SGSM1: variants seen among roughly 807,000 people sequenced by gnomAD.
SGSM1 encodes the protein RUN and TBC1 domain containing 2.
A neutral mutation model predicts 133.8 loss-of-function variants in SGSM1; 73 were observed. The ratio of observed to expected loss-of-function variants is 0.55; its 90% confidence interval spans 0.45 to 0.66. The LOEUF is 0.66. Among genes scored for constraint, SGSM1 ranks in the 30% least tolerant of loss-of-function variants. The pLI is 0.00. For missense variants in SGSM1, 1,213 were observed against 1,448.1 expected, an observed-to-expected ratio of 0.84 and a Z score of 2.64; for synonymous variants, 563 against 573.0, an observed-to-expected ratio of 0.98 and a Z score of 0.25.
intron 2 of SGSM1, among the ~76,000 whole-genome samples, chr22:24,812,947 A>G (rs972482432): frequency 7.2e-5 from 11 of 152,188 alleles, no homozygotes; most frequent in African/African-American, 2.7e-4. Context: ...GCAGGAGGGC[A>G]TATAGAGAAA....
At chr22:24,823,051 T>G (rs1289885527) in intron 2 of SGSM1, among the ~76,000 whole-genome samples, 1 of 152,178 alleles carries the variant, frequency 6.6e-6, no homozygotes, top group Non-Finnish European at 1.5e-5. Context: ...AAGACAGTCC[T>G]GGATTTGAAT....
chr22:24,829,067 G>A (rs534589854), intron 2 of SGSM1, among the ~76,000 whole-genome samples: 3 of 152,084 alleles, frequency 2.0e-5, no homozygotes, highest in South Asian at 2.1e-4. Flanking sequence ...ATGGTGGCGG[G>A]CGCCTGTAGT....
rs931877336 is a variant in SGSM1 at position 24,905,306 on chromosome 22, C to T, written c.2818+119C>T. 15 of 957,970 alleles carry T rather than the reference C, an allele frequency of 1.6e-5. No homozygotes were observed. The African/African-American group carries it at 2.2e-4, about 14-fold the overall frequency. 59.3% of individuals were successfully genotyped at this position (957,970 alleles called of 1,614,324 possible). ...TGGCTCCAGCCAGGTGCTCTGAAGG[C>T]CTGTCTGGTGAACACATCAAGATCC... On this transcript the variant is annotated intron_variant, in intron 21 of 24. Transcript: ENST00000400358.
Position 24,868,540 on chromosome 22 carries a change from G to T in SGSM1, c.1158+1G>T. 3 of 1,613,892 alleles carry T rather than the reference G, an allele frequency of 1.9e-6. No homozygotes were observed. The highest frequency in any genetic ancestry group is 2.5e-6 in the Non-Finnish European group (3 of 1,179,854). On this transcript the variant is annotated splice_donor_variant, in intron 11 of 24. Transcript: ENST00000400358. LOFTEE classifies it high-confidence loss of function. ...GCCACTGTGGTCCCAGAGGGGTAAG[G>T]TGAGTGATCATCGGGACCCAGGGAG...
intron 14 of SGSM1, among the ~76,000 whole-genome samples, chr22:24,883,272 A>G (rs1932432592): frequency 6.6e-6 from 1 of 152,156 alleles, no homozygotes; most frequent in African/African-American, 2.4e-5. Context: ...GGCTATCATG[A>G]ATGGTGTTGC....
chr22:24,835,707 C>T (rs536205146), intron 2 of SGSM1, among the ~76,000 whole-genome samples: 73 of 151,906 alleles, frequency 4.8e-4, no homozygotes, highest in African/African-American at 1.6e-3. Flanking sequence ...GCTCTGCCCA[C>T]GGAGCTGGGC....
At chr22:24,912,596 A>G (rs762934340) in intron 21 of SGSM1, 47 bp from the exon 22 acceptor site, 1 of 1,270,764 alleles carries the variant, frequency 7.9e-7, no homozygotes, top group South Asian at 1.3e-5. Flanking sequence ...TCTGAACCAT[A>G]TCACTTGGGC....
At chr22:24,857,063 C>G (rs1263449126) in intron 8 of SGSM1, among the ~76,000 whole-genome samples, 2 of 151,860 alleles carry the variant, frequency 1.3e-5, no homozygotes, top group Non-Finnish European at 2.9e-5. Flanking sequence ...CCACTGCACC[C>G]AGCTAAGATA....
chr22:24,859,734 G>C lies in SGSM1; in HGVS notation c.820G>C (p.Val274Leu), dbSNP rs778847157. 1.4e-5 allele frequency: 23 copies of C among 1,613,806 alleles called. No homozygotes were observed. In the African/African-American group the frequency reaches 2.4e-4, roughly 17 times the overall value. The change falls in exon 9 of 25, where the codon GTG (valine) becomes CTG (leucine). Residue 274 changes from valine to leucine, a missense_variant. Physicochemically the swap from Val to Leu is conservative, Grantham distance 32 (BLOSUM62 1). Coordinates refer to ENST00000400358, the MANE Select transcript of SGSM1 (RefSeq NM_001098497.3). ...LVQPRDDMEA[V>L]PGYLSLHQTA... Reference sequence around the variant, plus strand: ...TCTGCAGAGGGACGACATGGAGGCTGTGCCAGGGTACCTGTCCCTGCACCA... The same window carrying C: ...TCTGCAGAGGGACGACATGGAGGCTCTGCCAGGGTACCTGTCCCTGCACCA...
At chr22:24,813,026 T>C (rs918340118) in intron 2 of SGSM1, among the ~76,000 whole-genome samples, 1 of 152,116 alleles carries the variant, frequency 6.6e-6, no homozygotes, top group Non-Finnish European at 1.5e-5. Flanking sequence ...TGGGAAAGGC[T>C]TGCCAGAGGA....
At position 24,824,613 on chromosome 22, in the gene SGSM1, T is replaced by TC. The variant is rs1555920531; in HGVS notation, c.63+18129_63+18130insC. 2.1e-4 allele frequency among the ~76,000 whole-genome samples: 10 copies of TC among 46,790 alleles called. No homozygotes were observed. The Admixed American group carries it at 2.7e-3, about 13-fold the overall frequency. 30.7% of individuals were successfully genotyped at this position (46,790 alleles called of 152,430 possible). On this transcript the variant is annotated intron_variant, in intron 2 of 24. Coordinates refer to ENST00000400358, the MANE Select transcript of SGSM1 (RefSeq NM_001098497.3). ...CTGTTTCTCCCTGATACAATGTCCT[T>TC]AATCTGTTCCTTCCTTTGAGCTCCA...
intron 9 of SGSM1, among the ~76,000 whole-genome samples, chr22:24,860,140 C>G (rs1931043383): frequency 6.6e-6 from 1 of 152,182 alleles, no homozygotes; most frequent in Admixed American, 6.5e-5. Context: ...CTGCAAATGG[C>G]AAATATTCTT....
intron 5 of SGSM1, among the ~76,000 whole-genome samples, chr22:24,851,343 G>A (rs990804372): frequency 2.0e-5 from 3 of 149,930 alleles, no homozygotes; most frequent in African/African-American, 4.9e-5. Context: ...GTATATCATC[G>A]CAAGAGCAGT....
At chr22:24,886,908 C>A (rs866577636) in intron 16 of SGSM1, among the ~76,000 whole-genome samples, 180 bp downstream of exon 16, 1 of 152,144 alleles carries the variant, frequency 6.6e-6, no homozygotes, top group Admixed American at 6.6e-5. Flanking sequence ...GCAATTTTTA[C>A]GTTTTTAAAT....
In SGSM1 at chr22:24,876,676, C is replaced by G; in HGVS notation, c.1391C>G (p.Ser464Trp). 6.2e-7 allele frequency: 1 copy of G among 1,613,932 alleles called. No individual in the cohort carries two copies. Among genetic ancestry groups the G allele is most frequent in the South Asian group, 1.1e-5 (1 of 91,076 alleles). The change falls in exon 13 of 25, where the codon TCG becomes TGG. Residue 464 changes from serine (S) to tryptophan (W), a missense_variant. Ser to Trp is a radical substitution (Grantham distance 177). Transcript: ENST00000400358. ...SSCSSCSQSG[S>W]ADGSSTNGCN... is the part of the protein sequence containing the mutation. ...TGTTCATCCTGTTCACAGAGTGGCTCGGCTGATGGTAGCTCGACCAATGGC... is the reference window on the plus strand; with the variant it reads ...TGTTCATCCTGTTCACAGAGTGGCTGGGCTGATGGTAGCTCGACCAATGGC...
intron 17 of SGSM1, among the ~76,000 whole-genome samples, chr22:24,894,153 C>T (rs1291332168): frequency 6.6e-6 from 1 of 152,170 alleles, no homozygotes; most frequent in Non-Finnish European, 1.5e-5. Context: ...CCTGTAATCC[C>T]AGTACTTTGG....
intron 12 of SGSM1, among the ~76,000 whole-genome samples, chr22:24,874,195 G>T (rs891789222): frequency 6.6e-6 from 1 of 152,168 alleles, no homozygotes; most frequent in Non-Finnish European, 1.5e-5. Flanking sequence ...CCTTAGGTTT[G>T]CTCAGGTCGT....
intron 2 of SGSM1, among the ~76,000 whole-genome samples, chr22:24,832,636 AGAGG>A (rs1929184193): frequency 3.3e-5 from 5 of 152,194 alleles, no homozygotes; most frequent in Admixed American, 3.3e-4. Flanking sequence ...GGGCTTGGTC[AGAGG>A]GAGAGATGAT....
chr22:24,875,557 G>A (rs1296381426), intron 12 of SGSM1, among the ~76,000 whole-genome samples: 1 of 151,444 alleles, frequency 6.6e-6, no homozygotes, highest in African/African-American at 2.4e-5. Flanking sequence ...AAAGAATGGC[G>A]TGAACCCAGG....
Sources: gnomAD v4.1 joint callset for allele counts (sites outside exome capture counted in the v4.1 genomes callset) on GRCh38, gnomAD v4.1.1 for gene constraint, MANE v1.5 for transcripts, NCBI Gene and HGNC (gene_info 2026-07-23, HGNC 2026-07-21) for gene names.